The following TBL1XR1 variants were observed in gnomAD, a reference collection of about 807,000 sequenced individuals.
TBL1XR1 encodes F-box-like/WD repeat-containing protein TBL1XR1.
A neutral mutation model predicts 66.9 loss-of-function variants in TBL1XR1; 5 were observed. That is an observed-to-expected ratio of 0.07 (90% confidence interval 0.04 to 0.16). TBL1XR1 has a LOEUF of 0.16. Ranked by LOEUF, TBL1XR1 falls within the 10% of genes least tolerant of loss-of-function variation. The pLI is 1.00. For synonymous variants in TBL1XR1, 210 were observed against 206.0 expected, an observed-to-expected ratio of 1.02 and a Z score of -0.17; for missense variants, 238 against 623.2, an observed-to-expected ratio of 0.38 and a Z score of 6.58.
At chr3:177,175,398 C>G (rs1422681646) in intron 1 of TBL1XR1, among the ~76,000 whole-genome samples, 1 of 152,112 alleles carries the variant, frequency 6.6e-6, no homozygotes, top group Non-Finnish European at 1.5e-5. Context: ...TGCACCTGAA[C>G]TCACAAGTTT....
At chr3:177,173,093 A>ATCCG (rs1733754423) in intron 1 of TBL1XR1, among the ~76,000 whole-genome samples, 1 of 152,210 alleles carries the variant, frequency 6.6e-6, no homozygotes, top group East Asian at 1.9e-4. Flanking sequence ...AGTCTGAGGC[A>ATCCG]GGAGAATCGC....
chr3:177,097,253 G>C (rs991397651), intron 2 of TBL1XR1, among the ~76,000 whole-genome samples: 2 of 152,024 alleles, frequency 1.3e-5, no homozygotes, highest in African/African-American at 2.4e-5. Flanking sequence ...TGTTGGTAAT[G>C]AACTACAGAA....
chr3:177,099,739 C>T (rs1723956997), intron 1 of TBL1XR1, among the ~76,000 whole-genome samples: 1 of 152,172 alleles, frequency 6.6e-6, no homozygotes, highest in Non-Finnish European at 1.5e-5. Flanking sequence ...GACTAGATAC[C>T]ACTAGGCTCT....
At chr3:177,103,895 C>T (rs1724538778) in intron 1 of TBL1XR1, among the ~76,000 whole-genome samples, 1 of 152,018 alleles carries the variant, frequency 6.6e-6, no homozygotes, top group Non-Finnish European at 1.5e-5. Context: ...GCAGGGAGAT[C>T]ACTTGAGGTC....
chr3:177,194,605 T>C (rs757455123), intron 1 of TBL1XR1, among the ~76,000 whole-genome samples: 5 of 152,218 alleles, frequency 3.3e-5, no homozygotes, highest in African/African-American at 7.2e-5. Flanking sequence ...AGGTTGTATA[T>C]ATACTGCACT....
chr3:177,141,596 T>C (rs563002641), intron 1 of TBL1XR1, among the ~76,000 whole-genome samples: 4 of 152,334 alleles, frequency 2.6e-5, no homozygotes, highest in Admixed American at 1.3e-4. Flanking sequence ...ATTTGGTGAA[T>C]AGAATGAGCT....
intron 1 of TBL1XR1, among the ~76,000 whole-genome samples, chr3:177,157,921 T>C (rs1396084609): frequency 6.6e-6 from 1 of 152,200 alleles, no homozygotes; most frequent in African/African-American, 2.4e-5. Context: ...ATGCATTTTA[T>C]CATATGTAAA....
chr3:177,107,405 T>A (rs1378936283), intron 1 of TBL1XR1, among the ~76,000 whole-genome samples: 1 of 152,228 alleles, frequency 6.6e-6, no homozygotes, highest in Non-Finnish European at 1.5e-5. Context: ...ATGCTTTTCC[T>A]TCAGTAAATT....
In TBL1XR1 at chr3:177,023,174, A is replaced by G. The variant is rs1364514293; in HGVS notation, c.*2324T>C. 2 of 152,660 alleles carry G rather than the reference A, an allele frequency of 1.3e-5. No homozygotes were observed. The highest frequency in any genetic ancestry group is 2.1e-4 in the South Asian group (1 of 4,830). The allele number at this position is 152,660 out of a possible 1,614,324, so 9.5% of individuals were successfully genotyped here. On this transcript the variant is annotated 3_prime_UTR_variant, in exon 16 of 16. Coordinates refer to ENST00000457928, the MANE Select transcript of TBL1XR1 (RefSeq NM_024665.7). ...GAATAAACTGTCCATATCAAAATAC[A>G]AAAGTACTATCAATAATCACCTCTG...
At chr3:177,044,522 T>C (rs1259125925) in intron 10 of TBL1XR1, among the ~76,000 whole-genome samples, 1 of 152,086 alleles carries the variant, frequency 6.6e-6, no homozygotes, top group African/African-American at 2.4e-5. Flanking sequence ...GAGAGAGATA[T>C]CACTAAGGGG....
chr3:177,124,799 G>A (rs1372472242), intron 1 of TBL1XR1, among the ~76,000 whole-genome samples: 1 of 152,090 alleles, frequency 6.6e-6, no homozygotes, highest in Non-Finnish European at 1.5e-5. Context: ...GATCTAGAAA[G>A]TCTAGATAAA....
At chr3:177,192,398 C>CAAAAAAAAAAA in intron 1 of TBL1XR1, among the ~76,000 whole-genome samples, 1 of 83,512 alleles carries the variant, frequency 1.2e-5, no homozygotes, top group East Asian at 2.7e-4. Context: ...GACTTTATCT[C>CAAAAAAAAAAA]AAAAAAAAAA....
intron 14 of TBL1XR1, among the ~76,000 whole-genome samples, chr3:177,029,632 AAAC>A (rs1225682847): frequency 2.0e-5 from 3 of 152,260 alleles, no homozygotes; most frequent in Middle Eastern, 3.4e-3. Context: ...AGACAAAACA[AAAC>A]AACAACCAAA....
chr3:177,188,415 C>A (rs1372402715), intron 1 of TBL1XR1, among the ~76,000 whole-genome samples: 7 of 151,918 alleles, frequency 4.6e-5, no homozygotes, highest in Admixed American at 1.3e-4. Flanking sequence ...GGTGTGGTGG[C>A]ACATGCCTGT....
At position 177,022,045 on chromosome 3, in the gene TBL1XR1, A is replaced by G. The variant is rs1712448026; in HGVS notation, c.*3453T>C. 6.6e-6 allele frequency: 1 copy of G among 152,582 alleles called. No individual in the cohort carries two copies. The allele number at this position is 152,582 out of a possible 1,614,324, so 9.5% of individuals were successfully genotyped here. A position where few individuals can be genotyped will look rare whatever the true frequency, so the allele number is the denominator to read the frequency against. On this transcript the variant is annotated 3_prime_UTR_variant, in exon 16 of 16. Coordinates refer to ENST00000457928, the MANE Select transcript of TBL1XR1 (RefSeq NM_024665.7). ...TCAATAATAGTTTACATTACTCTTA[A>G]CAAAATCATTCTACATAAACAGATA...
At chr3:177,099,172 G>A (rs546743479) in intron 1 of TBL1XR1, among the ~76,000 whole-genome samples, 18 of 152,260 alleles carry the variant, frequency 1.2e-4, no homozygotes, top group Non-Finnish European at 2.2e-4. Flanking sequence ...TTCGAGATCA[G>A]CCTGGCCAAC....
intron 3 of TBL1XR1, among the ~76,000 whole-genome samples, chr3:177,056,953 T>C (rs1488679229): frequency 1.3e-5 from 2 of 152,212 alleles, no homozygotes; most frequent in African/African-American, 4.8e-5. Context: ...GCTAGACTAT[T>C]ACTTGTAAAA....
chr3:177,149,011 AAGAAAAG>A (rs1560230014), intron 1 of TBL1XR1, among the ~76,000 whole-genome samples: 3 of 57,074 alleles, frequency 5.3e-5, no homozygotes, highest in Non-Finnish European at 1.4e-4. Context: ...CTCAAAAAAA[AAGAAAAG>A]AAAAGAAAAG....
intron 13 of TBL1XR1, among the ~76,000 whole-genome samples, chr3:177,033,904 T>G (rs761864562): frequency 1.3e-5 from 2 of 152,062 alleles, no homozygotes; most frequent in African/African-American, 4.8e-5. Flanking sequence ...AAGAATGATA[T>G]AATGAACTTT....
Sources: gnomAD v4.1 joint callset for allele counts (sites outside exome capture counted in the v4.1 genomes callset) on GRCh38, gnomAD v4.1.1 for gene constraint, MANE v1.5 for transcripts, NCBI Gene and HGNC (gene_info 2026-07-23, HGNC 2026-07-21) for gene names.